CNTNAP2: variants seen among roughly 807,000 people sequenced by gnomAD.
CNTNAP2 encodes the protein contactin-associated protein-like 2.
A neutral mutation model predicts 155.2 loss-of-function variants in CNTNAP2; 98 were observed. The observed-to-expected ratio is 0.63, with a 90% CI of 0.54 to 0.75. CNTNAP2 has a LOEUF of 0.75. CNTNAP2 is among the 30% of genes least tolerant of loss of function. CNTNAP2 has a pLI of 0.00. For synonymous variants in CNTNAP2, 651 were observed against 631.2 expected (o/e 1.03, Z -0.47); for missense variants, 1,727 against 1,688.1 (o/e 1.02, Z -0.40).
intron 1 of CNTNAP2, among the ~76,000 whole-genome samples, chr7:146,234,721 T>A (rs1424371522): frequency 6.6e-6 from 1 of 152,174 alleles, no homozygotes; most frequent in Admixed American, 6.5e-5. Context: ...AAATAGGGAA[T>A]CCTTTCCCCA....
At chr7:147,089,096 G>A (rs1800343973) in intron 4 of CNTNAP2, among the ~76,000 whole-genome samples, 1 of 152,192 alleles carries the variant, frequency 6.6e-6, no homozygotes. Context: ...CGCCCAAGAT[G>A]GGTTAGATGA....
At chr7:147,408,875 G>A (rs1468302540) in intron 10 of CNTNAP2, among the ~76,000 whole-genome samples, 2 of 152,160 alleles carry the variant, frequency 1.3e-5, no homozygotes, top group East Asian at 3.9e-4. Flanking sequence ...ACTAACACTT[G>A]TTCTGATTAC....
chr7:147,205,502 T>C (rs2116559368), intron 8 of CNTNAP2, among the ~76,000 whole-genome samples: 1 of 152,286 alleles, frequency 6.6e-6, no homozygotes. Flanking sequence ...GGAATATCTT[T>C]ACATTTTTGT....
chr7:146,642,707 A>T (rs1466987422), intron 1 of CNTNAP2, among the ~76,000 whole-genome samples: 1 of 152,066 alleles, frequency 6.6e-6, no homozygotes, highest in East Asian at 1.9e-4. Flanking sequence ...TGGTATTTCT[A>T]GTTCTAGATC....
At chr7:147,560,181 A>AAAAAAAAAAAAAAAAAAAAAAAAAG (rs1800034282) in intron 11 of CNTNAP2, among the ~76,000 whole-genome samples, 1 of 150,402 alleles carries the variant, frequency 6.6e-6, no homozygotes, top group African/African-American at 2.4e-5. Context: ...AAAAAAAAAA[A>AAAAAAAAAAAAAAAAAAAAAAAAAG]AAAAAAAAAA....
At chr7:147,628,083 C>A (rs1198058403) in intron 12 of CNTNAP2, among the ~76,000 whole-genome samples, 1 of 152,058 alleles carries the variant, frequency 6.6e-6, no homozygotes, top group African/African-American at 2.4e-5. Flanking sequence ...AGGAAAACTT[C>A]CCTGGCCTTG....
At chr7:147,773,423 G>A (rs1024171365) in intron 13 of CNTNAP2, among the ~76,000 whole-genome samples, 8 of 152,074 alleles carry the variant, frequency 5.3e-5, no homozygotes, top group African/African-American at 1.9e-4. Flanking sequence ...ATCACCTGAG[G>A]TCAGGAGTTT....
chr7:148,027,708 T>C (rs545447855), intron 15 of CNTNAP2, among the ~76,000 whole-genome samples: 21 of 152,346 alleles, frequency 1.4e-4, no homozygotes, highest in African/African-American at 4.8e-4. Flanking sequence ...AATCCTATGA[T>C]TTTATTTTGT....
chr7:146,594,934 G>A (rs1289346583), intron 1 of CNTNAP2, among the ~76,000 whole-genome samples: 2 of 152,134 alleles, frequency 1.3e-5, no homozygotes, highest in Non-Finnish European at 2.9e-5. Flanking sequence ...GAGTTAGGAA[G>A]AGGTGTGTAG....
At chr7:146,300,921 T>C (rs2129088310) in intron 1 of CNTNAP2, among the ~76,000 whole-genome samples, 1 of 152,284 alleles carries the variant, frequency 6.6e-6, no homozygotes, top group African/African-American at 2.4e-5. Flanking sequence ...ATACAAATCA[T>C]TTAAATCTGC....
At chr7:147,538,015 T>C (rs1799577279) in intron 11 of CNTNAP2, among the ~76,000 whole-genome samples, 1 of 152,210 alleles carries the variant, frequency 6.6e-6, no homozygotes, top group South Asian at 2.1e-4. Context: ...ACTAAAAATC[T>C]CCCAGGAAGC....
chr7:147,749,666 C>T (rs1797103556), intron 13 of CNTNAP2, among the ~76,000 whole-genome samples: 2 of 152,084 alleles, frequency 1.3e-5, no homozygotes, highest in South Asian at 2.1e-4. Context: ...CTTAAAATCA[C>T]CTAGTAAACA....
At chr7:147,342,548 A>G (rs1329012439) in intron 9 of CNTNAP2, among the ~76,000 whole-genome samples, 5 of 152,190 alleles carry the variant, frequency 3.3e-5, no homozygotes, top group Admixed American at 3.3e-4. Flanking sequence ...TGTTTAAAGA[A>G]GATTCTATAC....
At chr7:148,407,951 A>C (rs1799740752) in intron 22 of CNTNAP2, among the ~76,000 whole-genome samples, 1 of 152,198 alleles carries the variant, frequency 6.6e-6, no homozygotes, top group South Asian at 2.1e-4. Flanking sequence ...CCTAAACAAG[A>C]ATATCAAGTC....
intron 1 of CNTNAP2, among the ~76,000 whole-genome samples, chr7:146,198,571 G>A (rs1239765881): frequency 6.6e-6 from 1 of 152,082 alleles, no homozygotes; most frequent in Non-Finnish European, 1.5e-5. Context: ...CATGTGCCTT[G>A]TTTTCAAACC....
intron 1 of CNTNAP2, among the ~76,000 whole-genome samples, chr7:146,434,767 T>G (rs1796218295): frequency 6.6e-6 from 1 of 152,180 alleles, no homozygotes; most frequent in African/African-American, 2.4e-5. Context: ...TAATAGCATA[T>G]TTCTTTGTAG....
chr7:147,549,736 A>T (rs1799813374), intron 11 of CNTNAP2, among the ~76,000 whole-genome samples: 2 of 152,182 alleles, frequency 1.3e-5, no homozygotes, highest in Admixed American at 6.5e-5. Context: ...AAGGGATTTG[A>T]AGCAGTGGGC....
At chr7:146,507,063 G>T (rs1214865551) in intron 1 of CNTNAP2, among the ~76,000 whole-genome samples, 1 of 152,122 alleles carries the variant, frequency 6.6e-6, no homozygotes, top group African/African-American at 2.4e-5. Context: ...CTAAGTAGGA[G>T]CCCCACTTTG....
intron 21 of CNTNAP2, among the ~76,000 whole-genome samples, chr7:148,275,188 A>G (rs1435956841): frequency 6.6e-6 from 1 of 152,216 alleles, no homozygotes; most frequent in Non-Finnish European, 1.5e-5. Context: ...CAATGTATCA[A>G]TATGCACTGG....
Sources: allele counts gnomAD v4.1 joint callset (sites outside exome capture counted in the v4.1 genomes callset), GRCh38; gene constraint gnomAD v4.1.1; transcripts MANE v1.5; gene names NCBI Gene and HGNC (gene_info 2026-07-23, HGNC 2026-07-21).